Variants in RPE observed in about 807,000 individuals in gnomAD.
The protein encoded by RPE is ribulose-5-phosphate-3-epimerase.
Under a neutral mutation model 24.6 loss-of-function variants are expected in RPE, and 16 were observed. The ratio of observed to expected loss-of-function variants is 0.65; its 90% CI spans 0.44 to 0.99. The LOEUF is 0.99. Ranked by LOEUF, RPE falls within the 50% of genes least tolerant of loss-of-function variation. RPE has a pLI of 0.00. For synonymous variants in RPE, 93 were observed against 98.4 expected (o/e 0.94, Z 0.33); for missense variants, 240 against 294.5 (o/e 0.81, Z 1.35).
chr2:210,005,254 T>A (rs1383021797), intron 1 of RPE, among the ~76,000 whole-genome samples: 6 of 152,160 alleles, frequency 3.9e-5, no homozygotes, highest in African/African-American at 1.2e-4. Context: ...GTGTTTTTTT[T>A]TTCCTGGCCC....
At chr2:210,004,967 C>A (rs1362463283) in intron 1 of RPE, among the ~76,000 whole-genome samples, 1 of 152,246 alleles carries the variant, frequency 6.6e-6, no homozygotes, top group African/African-American at 2.4e-5. Flanking sequence ...CTGAATTCTG[C>A]ATACACAATT....
chr2:210,003,792 G>C (rs1383084835), intron 1 of RPE, among the ~76,000 whole-genome samples: 1 of 152,176 alleles, frequency 6.6e-6, no homozygotes, highest in African/African-American at 2.4e-5. Flanking sequence ...TTCTAAAGGT[G>C]ATGATTTCCT....
In RPE at chr2:210,019,917, G is replaced by A. The variant is rs1035869541; in HGVS notation, c.*126G>A. 51 of 1,228,520 alleles carry A rather than the reference G, an allele frequency of 4.2e-5. No individual in the cohort carries two copies. Among genetic ancestry groups the A allele is most frequent in the Non-Finnish European group, 5.6e-5 (51 of 906,576 alleles). 76.1% of individuals were successfully genotyped at this position (1,228,520 alleles called of 1,614,324 possible). A position where few individuals can be genotyped will look rare whatever the true frequency, so the allele number is the denominator to read the frequency against. ...TTTTTGAGCAGTTATTCATTCCAGT[G>A]ATTAAAACTGATTGTGCAGAATATT... On this transcript the variant is annotated 3_prime_UTR_variant, in exon 6 of 6. Transcript: ENST00000359429.
At position 210,017,519 on chromosome 2, in the gene RPE, A is replaced by T. The variant is rs769009455; in HGVS notation, c.524A>T (p.Asp175Val). The T allele has an allele frequency of 2.5e-6, 4 of 1,610,302 alleles. No individual in the cohort carries two copies. Among genetic ancestry groups the T allele is most frequent in the Non-Finnish European group, 3.4e-6 (4 of 1,179,754 alleles). ...TQFPSLDIEV[D>V]GGVGPDTVHK... ...TTCCCATCTTTGGATATAGAGGTCG[A>T]TGGTGGAGTAGGTCCTGACACTGTC... The change falls in exon 5 of 6, where the codon GAT becomes GTT. Residue 175 changes from aspartate to valine, a missense_variant. Transcript: ENST00000359429.
chr2:210,022,003 C>CTTTTTT lies in RPE; in HGVS notation c.*2221_*2226dup, dbSNP rs553479918. ...CTTGCTAATCTAGAAATACAATCAT[C>CTTTTTT]TTTTTTTTTTTTTTCAAATTTTATA... is the stretch of plus-strand genomic sequence containing the variant. On this transcript the variant is annotated 3_prime_UTR_variant, in exon 6 of 6. Transcript: ENST00000359429. The CTTTTTT allele has an allele frequency of 0.016, 2,180 of 134,520 alleles. 66 individuals are homozygous for CTTTTTT. Among genetic ancestry groups the CTTTTTT allele is most frequent in the African/African-American group, 0.057 (2,070 of 36,536 alleles). The allele number at this position is 134,520 out of a possible 1,614,324, so 8.3% of individuals were successfully genotyped here.
At chr2:210,006,783 A>T (rs577791052) in intron 1 of RPE, among the ~76,000 whole-genome samples, 49 of 152,348 alleles carry the variant, frequency 3.2e-4, no homozygotes, top group African/African-American at 1.1e-3. Flanking sequence ...AAGTAAACAC[A>T]TGCATCTTAT....
chr2:210,009,556 C>T (rs1211404999), intron 1 of RPE, 101 bp from the exon 2 acceptor site: 1 of 1,470,534 alleles, frequency 6.8e-7, no homozygotes, highest in African/African-American at 1.4e-5. Flanking sequence ...AATTGAAAAA[C>T]ATTGCAGACA....
At chr2:210,017,005 G>A (rs1466342136) in intron 4 of RPE, among the ~76,000 whole-genome samples, 2 of 152,004 alleles carry the variant, frequency 1.3e-5, no homozygotes, top group African/African-American at 2.4e-5. Context: ...CACCATGCCC[G>A]GCTAATTCTT....
chr2:210,019,814 C>T lies in RPE; in HGVS notation c.*23C>T. 6.2e-7 allele frequency: 1 copy of T among 1,603,952 alleles called. No individual in the cohort carries two copies. The highest frequency in any genetic ancestry group is 8.5e-7 in the Non-Finnish European group (1 of 1,174,926). On this transcript the variant is annotated 3_prime_UTR_variant, in exon 6 of 6. Coordinates refer to ENST00000359429, the MANE Select transcript of RPE (RefSeq NM_199229.3). ...TGAAACCATAAGGAGCCCAGTGTTC[C>T]TGTTCATGAAATCTCCCTTTTACTG...
In RPE at chr2:210,021,782, A is replaced by G. The variant is rs943879876; in HGVS notation, c.*1991A>G. 2 of 151,970 alleles carry G rather than the reference A, an allele frequency of 1.3e-5. No individual in the cohort carries two copies. The highest frequency in any genetic ancestry group is 2.9e-5 in the Non-Finnish European group (2 of 67,926). The allele number at this position is 151,970 out of a possible 1,614,324, so 9.4% of individuals were successfully genotyped here. On this transcript the variant is annotated 3_prime_UTR_variant, in exon 6 of 6. Transcript: ENST00000359429. Reference sequence around the variant, plus strand: ...TCCTCAACTTTCACATAGGAAAAAAATGGTTTAATAGCTTCAAAAGGAATT... The same window carrying G: ...TCCTCAACTTTCACATAGGAAAAAAGTGGTTTAATAGCTTCAAAAGGAATT...
chr2:210,003,553 A>G, intron 1 of RPE: 1 of 780,326 alleles, frequency 1.3e-6, no homozygotes, highest in Non-Finnish European at 1.9e-6. Flanking sequence ...TTACAGAATG[A>G]GGAAACAACC....
chr2:210,017,432 C>T (rs369233313), intron 4 of RPE, 41 bp from the exon 5 acceptor site: 4 of 730,562 alleles, frequency 5.5e-6, no homozygotes, highest in Non-Finnish European at 8.7e-6. Context: ...CACCAACATA[C>T]CCACTTTAGG....
intron 2 of RPE, among the ~76,000 whole-genome samples, chr2:210,011,570 A>T (rs2093699892): frequency 6.6e-6 from 1 of 152,168 alleles, no homozygotes; most frequent in African/African-American, 2.4e-5. Context: ...TAAACTTGCT[A>T]ATTAATCTTT....
In RPE at chr2:210,020,373, G is replaced by A. The variant is rs1338733574; in HGVS notation, c.*582G>A. On this transcript the variant is annotated 3_prime_UTR_variant, in exon 6 of 6. Coordinates refer to ENST00000359429, the MANE Select transcript of RPE (RefSeq NM_199229.3). ...AAAATACAAGCATAGATTTTATCAG[G>A]GTGTTTTGTCAAAGCAGGTTATTCA... 9 of 166,780 alleles carry A rather than the reference G, an allele frequency of 5.4e-5. No homozygotes were observed. The highest frequency in any genetic ancestry group is 7.3e-5 in the Non-Finnish European group (5 of 68,094). 10.3% of individuals were successfully genotyped at this position (166,780 alleles called of 1,614,324 possible).
Position 210,002,735 on chromosome 2 carries a change from G to A in RPE, c.74G>A (p.Arg25Gln). The part of the protein sequence containing the change: ...DLANLGAECL[R>Q]MLDSGADYLH... ...GCCAATTTAGGGGCCGAGTGCCTCC[G>A]GATGCTAGACTCTGGGGCCGATTAT... is the stretch of plus-strand genomic sequence containing the variant. Residue 25 changes from arginine (R) to glutamine (Q), a missense_variant, in exon 1 of 6, where the codon CGG becomes CAG. Physicochemically the swap from Arg to Gln is conservative, Grantham distance 43 (BLOSUM62 1). Coordinates refer to ENST00000359429, the MANE Select transcript of RPE (RefSeq NM_199229.3). The A allele has an allele frequency of 6.2e-6, 10 of 1,614,204 alleles. No homozygotes were observed. The highest frequency in any genetic ancestry group is 2.2e-5 in the South Asian group (2 of 91,088).
intron 5 of RPE, chr2:210,018,250 T>C: frequency 2.0e-6 from 3 of 1,517,566 alleles, no homozygotes; most frequent in Non-Finnish European, 2.6e-6. Context: ...AATAGATAAA[T>C]CTAATTGACC....
intron 2 of RPE, 35 bp downstream of exon 2, chr2:210,009,771 G>A (rs775581512): frequency 6.2e-7 from 1 of 1,613,502 alleles, no homozygotes; most frequent in Non-Finnish European, 8.5e-7. Flanking sequence ...AGCTGGATGT[G>A]TTGCTCAAGT....
At chr2:210,017,733 C>CTTTTTATTT in intron 5 of RPE, 174 bp downstream of exon 5, 1 of 296,436 alleles carries the variant, frequency 3.4e-6, no homozygotes, top group South Asian at 2.8e-5. Flanking sequence ...AGTGGATATG[C>CTTTTTATTT]TTTTTTTTTT....
intron 1 of RPE, 79 bp downstream of exon 1, chr2:210,002,862 T>G: frequency 6.2e-7 from 1 of 1,610,654 alleles, no homozygotes; most frequent in Non-Finnish European, 8.5e-7. Flanking sequence ...TTGTTGGATG[T>G]ACCGCGTCCC....
Sources: gnomAD v4.1 joint callset for allele counts (sites outside exome capture counted in the v4.1 genomes callset) on GRCh38, gnomAD v4.1.1 for gene constraint, MANE v1.5 for transcripts, NCBI Gene and HGNC (gene_info 2026-07-23, HGNC 2026-07-21) for gene names.